The following ACLY variants were observed in gnomAD, a reference collection of about 807,000 sequenced individuals.
ACLY encodes the protein ATP citrate lyase, also known as ATP-citrate synthase.
ACLY carries 41 observed loss-of-function variants against 133.0 expected under a neutral mutation model. That is an observed-to-expected ratio of 0.31 (90% CI 0.24 to 0.40). The LOEUF (loss-of-function observed/expected upper bound fraction) is 0.40. ACLY is among the 10% of genes least tolerant of loss of function. ACLY has a pLI of 1.00. For missense variants in ACLY, 1,046 were observed against 1,453.8 expected (o/e 0.72, Z 4.56); for synonymous variants, 495 against 549.3 (o/e 0.90, Z 1.38).
In ACLY at chr17:41,867,069, C is replaced by G. The variant is rs2048487635; in HGVS notation, c.*741G>C. The G allele has an allele frequency of 6.6e-6, 1 of 152,624 alleles. No individual in the cohort carries two copies. Among genetic ancestry groups the G allele is most frequent in the Non-Finnish European group, 1.5e-5 (1 of 68,042 alleles). The allele number at this position is 152,624 out of a possible 1,614,324, so 9.5% of individuals were successfully genotyped here. The stretch of plus-strand genomic sequence containing the variant: ...ACACTTCAGTTACAGACAGACAAAT[C>G]AGCTGCATAAATACAGAGAACATAA... On this transcript the variant is annotated 3_prime_UTR_variant, in exon 29 of 29. Transcript: ENST00000352035.
At chr17:41,921,935 C>A (rs2050188287), upstream of ACLY, among the ~76,000 whole-genome samples, 1 of 152,130 alleles carries the variant, frequency 6.6e-6, no homozygotes, top group Non-Finnish European at 1.5e-5. Context: ...GTGGCTCGAG[C>A]CTGTAATCCC....
chr17:41,926,377 G>A (rs557622099), intron 1 of ACLY, among the ~76,000 whole-genome samples: 82 of 152,330 alleles, frequency 5.4e-4, no homozygotes, highest in African/African-American at 1.9e-3. Context: ...TCTCATCTGT[G>A]AAACCAGGAA....
Position 41,886,949 on chromosome 17 carries a change from C to T in ACLY, c.1876-641G>A, listed in dbSNP as rs537124355. Among the ~76,000 whole-genome samples, 37 of 150,572 alleles carry T rather than the reference C, an allele frequency of 2.5e-4. No homozygotes were observed. The South Asian group carries it at 7.8e-3, about 32-fold the overall frequency. Reference sequence around the variant, plus strand: ...GACCAGCCTGGCTAACATGGTGAAACCCTGTCTCTACTAAAAATACCAAAA... The same window carrying T: ...GACCAGCCTGGCTAACATGGTGAAATCCTGTCTCTACTAAAAATACCAAAA... On this transcript the variant is annotated intron_variant, in intron 17 of 28. Transcript: ENST00000352035.
At position 41,867,083 on chromosome 17, in the gene ACLY, C is replaced by T. The variant is rs904774902; in HGVS notation, c.*727G>A. The T allele has an allele frequency of 2.6e-5, 4 of 152,610 alleles. No homozygotes were observed. Among genetic ancestry groups the T allele is most frequent in the African/African-American group, 7.2e-5 (3 of 41,442 alleles). The allele number at this position is 152,610 out of a possible 1,614,324, so 9.5% of individuals were successfully genotyped here. A position where few individuals can be genotyped will look rare whatever the true frequency, so the allele number is the denominator to read the frequency against. On this transcript the variant is annotated 3_prime_UTR_variant, in exon 29 of 29. Transcript: ENST00000352035. ...GACAGACAAATCAGCTGCATAAATACAGAGAACATAAGACACAAGACATTT... is the reference window on the plus strand; with the variant it reads ...GACAGACAAATCAGCTGCATAAATATAGAGAACATAAGACACAAGACATTT...
At chr17:41,877,602 G>C (rs1409994492) in intron 22 of ACLY, among the ~76,000 whole-genome samples, 1 of 152,124 alleles carries the variant, frequency 6.6e-6, no homozygotes, top group Non-Finnish European at 1.5e-5. Context: ...TGGATTGAGG[G>C]ACACAAAGTA....
chr17:41,868,826 G>C, intron 27 of ACLY, 41 bp from the exon 28 acceptor site: 2 of 1,584,404 alleles, frequency 1.3e-6, no homozygotes, highest in Non-Finnish European at 1.7e-6. Flanking sequence ...AGGCTCACGT[G>C]ACTGCCCTCC....
chr17:41,881,041 C>T (rs1416669900), intron 20 of ACLY, among the ~76,000 whole-genome samples: 7 of 151,346 alleles, frequency 4.6e-5, no homozygotes, highest in Non-Finnish European at 1.0e-4. Flanking sequence ...CAAAGCAAGC[C>T]AGGAGAAACA....
chr17:41,889,915 C>G (rs1463925443), intron 16 of ACLY, among the ~76,000 whole-genome samples: 2 of 152,082 alleles, frequency 1.3e-5, no homozygotes, highest in African/African-American at 4.8e-5. Context: ...TCAAATGATC[C>G]ACCCACCTTG....
chr17:41,875,125 G>A (rs2048699991), intron 22 of ACLY, among the ~76,000 whole-genome samples: 1 of 151,910 alleles, frequency 6.6e-6, no homozygotes, highest in Non-Finnish European at 1.5e-5. Context: ...AAGGCAGGCG[G>A]ATCACTTGAG....
chr17:41,880,814 C>T (rs530838665), intron 20 of ACLY, among the ~76,000 whole-genome samples: 31 of 151,336 alleles, frequency 2.0e-4, no homozygotes, highest in African/African-American at 7.5e-4. Flanking sequence ...TGCAGTGAGC[C>T]GAGACTGCAC....
rs781876292 is a variant in ACLY, at chr17:41,867,769, G to A, written c.*41C>T. 6.6e-7 allele frequency: 1 copy of A among 1,513,216 alleles called. No homozygotes were observed. Among genetic ancestry groups the A allele is most frequent in the Non-Finnish European group, 9.1e-7 (1 of 1,100,464 alleles). The allele number at this position is 1,513,216 out of a possible 1,614,324, so 93.7% of individuals were successfully genotyped here. On this transcript the variant is annotated 3_prime_UTR_variant, in exon 29 of 29. Transcript: ENST00000352035. ...CTGTACACTTTTTCTTGGGGGAAGAGATCTTGTCTTCAGTTTACTGCAGTA... is the reference window on the plus strand; with the variant it reads ...CTGTACACTTTTTCTTGGGGGAAGAAATCTTGTCTTCAGTTTACTGCAGTA...
intron 20 of ACLY, among the ~76,000 whole-genome samples, chr17:41,880,039 C>G (rs1316469624): frequency 2.6e-5 from 4 of 152,084 alleles, no homozygotes; most frequent in Non-Finnish European, 5.9e-5. Context: ...GTGACTGAGT[C>G]TTTAATCAAG....
intron 18 of ACLY, among the ~76,000 whole-genome samples, chr17:41,884,813 T>C (rs2049008412): frequency 6.6e-6 from 1 of 152,182 alleles, no homozygotes; most frequent in Non-Finnish European, 1.5e-5. Flanking sequence ...CTTGAATTTT[T>C]TGATCGTCTC....
intron 25 of ACLY, chr17:41,870,330 T>A (rs1384566701): frequency 6.6e-6 from 1 of 152,310 alleles, no homozygotes; most frequent in Admixed American, 6.5e-5. Flanking sequence ...AAGTCCTGGA[T>A]GGAATGTCCC....
At chr17:41,876,449 A>G (rs2048761370) in intron 22 of ACLY, among the ~76,000 whole-genome samples, 1 of 152,222 alleles carries the variant, frequency 6.6e-6, no homozygotes, top group East Asian at 1.9e-4. Context: ...CATGATGACA[A>G]TGGCGGTTGT....
At chr17:41,882,529 AAGCAC>A (rs1157775416) in intron 20 of ACLY, among the ~76,000 whole-genome samples, 1 of 152,048 alleles carries the variant, frequency 6.6e-6, no homozygotes, top group Non-Finnish European at 1.5e-5. Context: ...CTCTAAGCCG[AAGCAC>A]AGGGGCTGAA....
intron 14 of ACLY, among the ~76,000 whole-genome samples, chr17:41,894,240 C>T (rs1386594261): frequency 6.8e-6 from 1 of 147,650 alleles, no homozygotes; most frequent in Non-Finnish European, 1.5e-5. Context: ...AAAAAATTAG[C>T]GTGGTGGCAT....
chr17:41,930,324 C>T (rs778137045), intron 1 of ACLY: 1 of 163,418 alleles, frequency 6.1e-6, no homozygotes, highest in African/African-American at 2.4e-5. Context: ...TGCTCTCTCC[C>T]CCTAATGGCG....
chr17:41,912,340 T>C (rs2049927925), intron 3 of ACLY, 80 bp downstream of exon 3: 3 of 1,542,540 alleles, frequency 1.9e-6, no homozygotes, highest in Non-Finnish European at 2.6e-6. Context: ...GTGGGGGTGA[T>C]CCACAGAGCT....
Sources: gnomAD v4.1 joint callset for allele counts (sites outside exome capture counted in the v4.1 genomes callset) on GRCh38, gnomAD v4.1.1 for gene constraint, MANE v1.5 for transcripts, NCBI Gene and HGNC (gene_info 2026-07-23, HGNC 2026-07-21) for gene names.